The following TRPC5 variants were observed in gnomAD, a reference collection of about 807,000 sequenced individuals.
The protein encoded by TRPC5 is transient receptor potential cation channel subfamily C member 5, also known as short transient receptor potential channel 5.
In TRPC5, 9 loss-of-function variants were observed where a neutral mutation model predicts 56.5. That is an observed-to-expected ratio of 0.16 (90% CI 0.10 to 0.28). TRPC5 has a LOEUF of 0.28. TRPC5 is among the 10% of genes least tolerant of loss of function. The pLI, the probability that TRPC5 is intolerant of heterozygous loss-of-function variation, is 1.00. For synonymous variants in TRPC5, 282 were observed against 278.5 expected, an observed-to-expected ratio of 1.01 and a Z score of -0.13; for missense variants, 469 against 748.9, an observed-to-expected ratio of 0.63 and a Z score of 4.36.
chrX:111,904,530 G>A (rs1175248766), intron 3 of TRPC5, among the ~76,000 whole-genome samples: 1 of 111,219 alleles, frequency 9.0e-6, no homozygotes, highest in Non-Finnish European at 1.9e-5. Flanking sequence ...AACTAACGCA[G>A]GAACAGAAAA....
chrX:111,963,666 C>T (rs1927463880), intron 1 of TRPC5, among the ~76,000 whole-genome samples: 1 of 111,576 alleles, frequency 9.0e-6, no homozygotes, highest in Admixed American at 9.5e-5. Flanking sequence ...TGCGGTTCAC[C>T]AATATCCGCT....
intron 1 of TRPC5, among the ~76,000 whole-genome samples, chrX:112,069,041 T>C (rs1254458176): frequency 9.0e-6 from 1 of 111,518 alleles, no homozygotes; most frequent in Non-Finnish European, 1.9e-5. Flanking sequence ...TGCTTCAAGT[T>C]CTTTATATGT....
intron 1 of TRPC5, among the ~76,000 whole-genome samples, chrX:112,009,616 A>G (rs757887604): frequency 8.9e-6 from 1 of 112,022 alleles, no homozygotes; most frequent in Admixed American, 9.5e-5. Flanking sequence ...GGAGCACAGC[A>G]TGAACTCTGA....
At chrX:111,790,176 T>TAG (rs1157583541) in intron 7 of TRPC5, among the ~76,000 whole-genome samples, 1 of 111,703 alleles carries the variant, frequency 9.0e-6, no homozygotes, top group Non-Finnish European at 1.9e-5. Context: ...CCATCAATGA[T>TAG]AGACTGGATA....
chrX:111,813,570 A>G (rs3027749), intron 7 of TRPC5, among the ~76,000 whole-genome samples: 27,336 of 112,201 alleles, frequency 0.24, 7,871 homozygotes, highest in African/African-American at 0.83. Context: ...AAAGTCTTAC[A>G]TATTCTTTCA....
chrX:111,853,539 G>A (rs1923142293), intron 4 of TRPC5, among the ~76,000 whole-genome samples: 1 of 111,856 alleles, frequency 8.9e-6, no homozygotes, highest in Non-Finnish European at 1.9e-5. Context: ...TGTCCTTGAA[G>A]ATATTAAGTT....
At chrX:112,030,000 T>C (rs1929543981) in intron 1 of TRPC5, among the ~76,000 whole-genome samples, 1 of 111,530 alleles carries the variant, frequency 9.0e-6, no homozygotes, top group African/African-American at 3.3e-5. Flanking sequence ...GCTATTTGTA[T>C]TTTTAGTAGA....
At chrX:111,796,534 C>T (rs1383798425) in intron 7 of TRPC5, among the ~76,000 whole-genome samples, 1 of 111,988 alleles carries the variant, frequency 8.9e-6, no homozygotes, top group Non-Finnish European at 1.9e-5. Context: ...TTATTATAAG[C>T]CTGTATTCTT....
At position 111,771,205 on chromosome X, in the gene TRPC5, C is replaced by T. The variant is rs1471886787; in HGVS notation, c.*5108G>A. On this transcript the variant is annotated 3_prime_UTR_variant, in exon 11 of 11. Transcript: ENST00000262839. ...AAGTTGTGGGCTGTTTATGTTCCTA[C>T]AGAAATTGTTTGTCATTTATTTGTG... Among the ~76,000 whole-genome samples, 1 of 111,745 alleles carries T rather than the reference C, an allele frequency of 8.9e-6. No homozygotes were observed. Among genetic ancestry groups the T allele is most frequent in the Non-Finnish European group, 1.9e-5 (1 of 53,173 alleles).
chrX:111,909,693 G>A (rs747859151), intron 3 of TRPC5, among the ~76,000 whole-genome samples: 132 of 111,378 alleles, frequency 1.2e-3, no homozygotes, highest in Non-Finnish European at 2.4e-3. Flanking sequence ...CAGATTAGTG[G>A]GATGAGAGTT....
chrX:111,900,415 A>G (rs1925283019), intron 3 of TRPC5, among the ~76,000 whole-genome samples: 1 of 112,252 alleles, frequency 8.9e-6, no homozygotes. Flanking sequence ...ATATAGCTAC[A>G]CTGATCAGCC....
At chrX:111,782,745 C>A (rs1807027722) in intron 7 of TRPC5, among the ~76,000 whole-genome samples, 1 of 107,946 alleles carries the variant, frequency 9.3e-6, no homozygotes, top group African/African-American at 3.4e-5. Context: ...AAAATTCAAC[C>A]ATTTAAAGTG....
chrX:111,886,781 C>T (rs773274349), intron 3 of TRPC5, among the ~76,000 whole-genome samples: 1 of 112,140 alleles, frequency 8.9e-6, no homozygotes, highest in African/African-American at 3.2e-5. Context: ...CTGACTGTGC[C>T]ATTTCTGTCG....
chrX:112,020,363 G>A (rs1929241614), intron 1 of TRPC5, among the ~76,000 whole-genome samples: 1 of 112,225 alleles, frequency 8.9e-6, no homozygotes, highest in African/African-American at 3.2e-5. Flanking sequence ...TAAGGACAGG[G>A]ACTCAGAGGT....
At chrX:111,778,054 A>G (rs952110075) in intron 10 of TRPC5, among the ~76,000 whole-genome samples, 1 of 111,881 alleles carries the variant, frequency 8.9e-6, no homozygotes, top group African/African-American at 3.3e-5. Flanking sequence ...AATTATGTCT[A>G]TGAATTAGGA....
chrX:111,777,292 G>A (rs1036410471), intron 10 of TRPC5, among the ~76,000 whole-genome samples: 1 of 111,565 alleles, frequency 9.0e-6, no homozygotes, highest in African/African-American at 3.3e-5. Flanking sequence ...CTCCTGCTAA[G>A]TATTAACTAA....
chrX:111,995,377 T>C (rs2148657742), intron 1 of TRPC5, among the ~76,000 whole-genome samples: 1 of 112,179 alleles, frequency 8.9e-6, no homozygotes, highest in African/African-American at 3.2e-5. Context: ...CAGTATTTTA[T>C]TGCGGATTTT....
chrX:111,985,484 G>T (rs774581384), intron 1 of TRPC5, among the ~76,000 whole-genome samples: 2 of 111,880 alleles, frequency 1.8e-5, no homozygotes, highest in African/African-American at 3.3e-5. Context: ...CAATTACCTT[G>T]GTAAAAGGTC....
chrX:111,961,177 C>A (rs1306349292), intron 1 of TRPC5, among the ~76,000 whole-genome samples: 3 of 112,145 alleles, frequency 2.7e-5, no homozygotes, highest in African/African-American at 9.7e-5. Context: ...GTTCTTTTTA[C>A]TATTTTTGTA....
Sources: allele counts gnomAD v4.1 joint callset (sites outside exome capture counted in the v4.1 genomes callset), GRCh38; gene constraint gnomAD v4.1.1; transcripts MANE v1.5; gene names NCBI Gene and HGNC (gene_info 2026-07-23, HGNC 2026-07-21).